The following CLOCK variants were observed in gnomAD, a reference collection of about 807,000 sequenced individuals.
The protein encoded by CLOCK is circadian locomoter output cycles protein kaput.
In CLOCK, 43 loss-of-function variants were observed where a neutral mutation model predicts 118.4. That is an observed-to-expected ratio of 0.36 (90% CI 0.28 to 0.47). CLOCK has a LOEUF of 0.47. Ranked by LOEUF, CLOCK falls within the 20% of genes least tolerant of loss-of-function variation. The pLI is 1.00. For missense variants in CLOCK, 846 were observed against 999.9 expected (o/e 0.85, Z 2.08); for synonymous variants, 326 against 339.2 (o/e 0.96, Z 0.43).
chr4:55,463,228 G>A (rs1725496768), intron 9 of CLOCK, among the ~76,000 whole-genome samples: 1 of 74,412 alleles, frequency 1.3e-5, no homozygotes, highest in African/African-American at 3.7e-5. Context: ...ACAAATGACT[G>A]TTTAATTGTT....
At chr4:55,469,228 C>T (rs1014716114) in intron 8 of CLOCK, among the ~76,000 whole-genome samples, 5 of 151,572 alleles carry the variant, frequency 3.3e-5, no homozygotes, top group East Asian at 3.9e-4. Context: ...CAGGTTCAGG[C>T]GATTCTACAG....
intron 6 of CLOCK, among the ~76,000 whole-genome samples, chr4:55,476,981 T>C (rs1577755047): frequency 6.6e-6 from 1 of 152,220 alleles, no homozygotes; most frequent in South Asian, 2.1e-4. Context: ...ATATTAGAAA[T>C]GCCTGTAGTG....
intron 5 of CLOCK, 39 bp from the exon 6 acceptor site, chr4:55,479,002 T>G (rs1312412560): frequency 6.7e-7 from 1 of 1,488,314 alleles, no homozygotes; most frequent in Non-Finnish European, 9.2e-7. Flanking sequence ...AAACAATCCA[T>G]TTAATTACAC....
In CLOCK at chr4:55,456,027, T is replaced by C. The variant is rs547773299; in HGVS notation, c.876-24A>G. ...CCCTAAATTACACAGAAAACAATCA[T>C]TATTATAAGTTTTTCCATAATAAGA... is the stretch of plus-strand genomic sequence containing the variant. On this transcript the variant is annotated intron_variant, in intron 12 of 22. Coordinates refer to ENST00000513440, the MANE Select transcript of CLOCK (RefSeq NM_004898.4). The C allele has an allele frequency of 3.9e-6, 6 of 1,557,052 alleles. No individual in the cohort carries two copies. In the South Asian group the frequency reaches 5.6e-5, roughly 15 times the overall value.
intron 9 of CLOCK, among the ~76,000 whole-genome samples, chr4:55,463,423 T>A (rs1281069937): frequency 6.6e-6 from 1 of 152,102 alleles, no homozygotes; most frequent in Non-Finnish European, 1.5e-5. Context: ...CACTTTTGCA[T>A]AAAATACAGC....
chr4:55,449,629 T>C (rs1724245725), intron 16 of CLOCK, 133 bp from the exon 17 acceptor site: 1 of 742,194 alleles, frequency 1.3e-6, no homozygotes, highest in Admixed American at 2.2e-5. Flanking sequence ...GAAAGTGAAG[T>C]CCATGACAGA....
At position 55,479,367 on chromosome 4, in the gene CLOCK, T is replaced by TA. The variant is rs529562807; in HGVS notation, c.107+272dup. On this transcript the variant is annotated intron_variant, in intron 5 of 22. Coordinates refer to ENST00000513440, the MANE Select transcript of CLOCK (RefSeq NM_004898.4). ...CTATTGAGAAAAACTTGATTATTTA[T>TA]AAAACAATCATTTTATGATACCTGT... 2.7e-3 allele frequency among the ~76,000 whole-genome samples: 407 copies of TA among 152,268 alleles called. 1 individual carries two copies. The highest frequency in any genetic ancestry group is 9.5e-3 in the African/African-American group (393 of 41,568).
In CLOCK at chr4:55,433,737, G is replaced by A. The variant is rs1722671610; in HGVS notation, c.*1678C>T. The A allele has an allele frequency of 6.6e-6, 1 of 152,016 alleles. No individual in the cohort carries two copies. Among genetic ancestry groups the A allele is most frequent in the Admixed American group, 6.6e-5 (1 of 15,264 alleles). 9.4% of individuals were successfully genotyped at this position (152,016 alleles called of 1,614,324 possible). A position where few individuals can be genotyped will look rare whatever the true frequency, so the allele number is the denominator to read the frequency against. On this transcript the variant is annotated 3_prime_UTR_variant, in exon 23 of 23. Coordinates refer to ENST00000513440, the MANE Select transcript of CLOCK (RefSeq NM_004898.4). Reference sequence around the variant, plus strand: ...ATTAGTACCATAAAATCTGTAAAATGTTTTTTAAATGTATGTAACTTGTAT... The same window carrying A: ...ATTAGTACCATAAAATCTGTAAAATATTTTTTAAATGTATGTAACTTGTAT...
At chr4:55,487,708 CTGTT>C (rs1403588070) in intron 3 of CLOCK, among the ~76,000 whole-genome samples, 1 of 152,138 alleles carries the variant, frequency 6.6e-6, no homozygotes, top group African/African-American at 2.4e-5. Flanking sequence ...ACAAATCATC[CTGTT>C]TTAGTTCCAC....
rs1560421472 is a variant in CLOCK, at chr4:55,448,641, T to TGC, written c.1539+137_1539+138insGC. On this transcript the variant is annotated intron_variant, in intron 18 of 22. Coordinates refer to ENST00000513440, the MANE Select transcript of CLOCK (RefSeq NM_004898.4). ...GTGTGTGTGTGTGTGTGTGTGTGTG[T>TGC]GTGCTCCTACCTCAGCCTCCCAAGT... 7.8e-5 allele frequency: 46 copies of TGC among 587,078 alleles called. No homozygotes were observed. The African/African-American group carries it at 8.4e-4, about 11-fold the overall frequency. 36.4% of individuals were successfully genotyped at this position (587,078 alleles called of 1,614,324 possible).
intron 8 of CLOCK, among the ~76,000 whole-genome samples, chr4:55,468,842 G>A (rs1267870101): frequency 1.3e-5 from 2 of 152,090 alleles, no homozygotes; most frequent in Non-Finnish European, 2.9e-5. Flanking sequence ...GGTCAACATT[G>A]GACTGCATAT....
chr4:55,530,130 G>A (rs571670357), intron 1 of CLOCK, among the ~76,000 whole-genome samples: 1 of 152,184 alleles, frequency 6.6e-6, no homozygotes, highest in Admixed American at 6.5e-5. Context: ...CAACTGAAAG[G>A]ACCTACTGAG....
chr4:55,527,323 G>C (rs182111962), intron 1 of CLOCK, among the ~76,000 whole-genome samples: 5 of 152,236 alleles, frequency 3.3e-5, no homozygotes, highest in African/African-American at 9.6e-5. Context: ...TGGGTACATA[G>C]GAGTTCATTT....
chr4:55,468,733 T>TA (rs1418116979), intron 8 of CLOCK, among the ~76,000 whole-genome samples: 1 of 152,198 alleles, frequency 6.6e-6, no homozygotes, highest in Admixed American at 6.5e-5. Context: ...ACAGGCTGAT[T>TA]AAAATGGAAA....
Position 55,438,324 on chromosome 4 carries a change from T to C in CLOCK, c.2319A>G (p.Pro773=), listed in dbSNP as rs141175897. The part of the protein sequence containing the change: ...QEQQLTSVQQ[P]SQAQLTQPPQ... ...GTGGCTGGGTCAGCTGAGCCTGAGA[T>C]GGTTGCTGAACTGAAGTGAGCTGCT... is the stretch of plus-strand genomic sequence containing the variant. Residue 773 remains proline (P), a synonymous_variant, in exon 22 of 23, where the codon CCA becomes CCG. Transcript: ENST00000513440. The C allele has an allele frequency of 3.7e-5, 59 of 1,614,098 alleles. No homozygotes were observed. The East Asian group carries it at 6.5e-4, about 18-fold the overall frequency.
At chr4:55,451,679 G>A (rs1724467706) in intron 15 of CLOCK, among the ~76,000 whole-genome samples, 2 of 152,180 alleles carry the variant, frequency 1.3e-5, no homozygotes, top group Non-Finnish European at 2.9e-5. Context: ...GAAAAAGAAG[G>A]ATAATTAATC....
chr4:55,546,407 T>C, intron 1 of CLOCK: 1 of 152,180 alleles, frequency 6.6e-6, no homozygotes, highest in Non-Finnish European at 1.5e-5. Context: ...AGCTCCCGCC[T>C]TCCCCACCCT....
At chr4:55,467,321 C>T (rs1037499020) in intron 8 of CLOCK, among the ~76,000 whole-genome samples, 4 of 152,144 alleles carry the variant, frequency 2.6e-5, no homozygotes, top group African/African-American at 4.8e-5. Context: ...CACTGAGTGA[C>T]GCTCCAAGGA....
intron 1 of CLOCK, among the ~76,000 whole-genome samples, chr4:55,530,764 G>C (rs1730486610): frequency 6.3e-5 from 1 of 15,984 alleles, no homozygotes; most frequent in East Asian, 1.1e-3. Context: ...AAAAGAGCAA[G>C]ACTCCATCGC....
Sources: gnomAD v4.1 joint callset for allele counts (sites outside exome capture counted in the v4.1 genomes callset) on GRCh38, gnomAD v4.1.1 for gene constraint, MANE v1.5 for transcripts, NCBI Gene and HGNC (gene_info 2026-07-23, HGNC 2026-07-21) for gene names.